NCAM2: variants seen among roughly 807,000 people sequenced by gnomAD.
NCAM2 encodes neural cell adhesion molecule 2.
A neutral mutation model predicts 98.1 loss-of-function variants in NCAM2; 30 were observed. The ratio of observed to expected loss-of-function variants is 0.31; its 90% CI spans 0.23 to 0.41. The LOEUF (loss-of-function observed/expected upper bound fraction) is 0.41, where lower values mean the gene tolerates loss of function less well. NCAM2 is among the 10% of genes least tolerant of loss of function. NCAM2 has a pLI of 1.00. For synonymous variants in NCAM2, 368 were observed against 342.4 expected, an observed-to-expected ratio of 1.07 and a Z score of -0.83; for missense variants, 867 against 1,005.8, an observed-to-expected ratio of 0.86 and a Z score of 1.87.
At chr21:21,474,023 C>A (rs941828012) in intron 14 of NCAM2, among the ~76,000 whole-genome samples, 2 of 151,640 alleles carry the variant, frequency 1.3e-5, no homozygotes, top group African/African-American at 4.8e-5. Context: ...TTCAGCAAAT[C>A]ATCTCATTAA....
At chr21:21,190,121 G>T (rs2068771748) in intron 1 of NCAM2, among the ~76,000 whole-genome samples, 1 of 152,204 alleles carries the variant, frequency 6.6e-6, no homozygotes, top group African/African-American at 2.4e-5. Context: ...TGGGGAAGAA[G>T]GGACTTGATT....
chr21:21,358,148 A>T (rs930101076), intron 8 of NCAM2, among the ~76,000 whole-genome samples: 1 of 152,126 alleles, frequency 6.6e-6, no homozygotes, highest in Non-Finnish European at 1.5e-5. Flanking sequence ...ATTCGATGTG[A>T]TGTTGCCGTA....
intron 1 of NCAM2, among the ~76,000 whole-genome samples, chr21:21,262,285 A>G (rs1433462438): frequency 1.3e-5 from 2 of 152,144 alleles, no homozygotes; most frequent in Non-Finnish European, 2.9e-5. Flanking sequence ...TGTACAAAGC[A>G]GAGCTAGTAC....
At chr21:21,491,392 T>C (rs1421564578) in intron 15 of NCAM2, among the ~76,000 whole-genome samples, 1 of 151,818 alleles carries the variant, frequency 6.6e-6, no homozygotes, top group East Asian at 1.9e-4. Flanking sequence ...AAGTGATTTT[T>C]CTCCAGTTCC....
intron 1 of NCAM2, among the ~76,000 whole-genome samples, chr21:21,058,401 A>G (rs938667896): frequency 5.9e-5 from 9 of 152,128 alleles, no homozygotes; most frequent in Non-Finnish European, 1.3e-4. Flanking sequence ...AATATTGTCT[A>G]CTTTGTGATA....
intron 10 of NCAM2, among the ~76,000 whole-genome samples, chr21:21,413,197 G>C (rs548800867): frequency 6.6e-6 from 1 of 152,086 alleles, no homozygotes; most frequent in Non-Finnish European, 1.5e-5. Flanking sequence ...TCAATATGTG[G>C]GCAAACATTG....
At chr21:21,125,714 T>TAG (rs71322026) in intron 1 of NCAM2, among the ~76,000 whole-genome samples, 4 of 134,402 alleles carry the variant, frequency 3.0e-5, no homozygotes, top group African/African-American at 8.1e-5. Context: ...TATATATATA[T>TAG]AGAGAGAGAG....
At chr21:21,125,565 T>C (rs973147398) in intron 1 of NCAM2, among the ~76,000 whole-genome samples, 1 of 17,414 alleles carries the variant, frequency 5.7e-5, no homozygotes, top group African/African-American at 1.1e-4. Context: ...ATATATAATA[T>C]GCATATAAAA....
chr21:21,097,793 A>G (rs572120101), intron 1 of NCAM2, among the ~76,000 whole-genome samples: 11 of 151,154 alleles, frequency 7.3e-5, no homozygotes, highest in Admixed American at 4.0e-4. Flanking sequence ...CAAGAAAGCA[A>G]TTGATAAGCT....
At chr21:21,403,574 G>T (rs1374338337) in intron 9 of NCAM2, among the ~76,000 whole-genome samples, 1 of 152,056 alleles carries the variant, frequency 6.6e-6, no homozygotes, top group Non-Finnish European at 1.5e-5. Flanking sequence ...TCTGCTAAAT[G>T]GCTTACTATT....
At chr21:21,067,144 A>T in intron 1 of NCAM2, among the ~76,000 whole-genome samples, 1 of 151,400 alleles carries the variant, frequency 6.6e-6, no homozygotes, top group East Asian at 1.9e-4. Flanking sequence ...TTATAAAATT[A>T]TATTTAAATA....
intron 10 of NCAM2, among the ~76,000 whole-genome samples, chr21:21,410,750 T>G (rs903828112): frequency 6.6e-6 from 1 of 151,412 alleles, no homozygotes; most frequent in Non-Finnish European, 1.5e-5. Flanking sequence ...GGCTCACTCC[T>G]GTAATCCCAG....
At chr21:21,126,236 T>TAAAA (rs778070776) in intron 1 of NCAM2, among the ~76,000 whole-genome samples, 4,593 of 97,444 alleles carry the variant, frequency 0.047, 405 homozygotes, top group African/African-American at 0.13. Flanking sequence ...TCATGGAACA[T>TAAAA]AAAAAAAAAA....
At chr21:21,024,777 G>T (rs1273158074) in intron 1 of NCAM2, among the ~76,000 whole-genome samples, 6 of 151,870 alleles carry the variant, frequency 4.0e-5, no homozygotes, top group African/African-American at 1.4e-4. Context: ...ATCCCAGCTA[G>T]CTGGGAAGCT....
chr21:21,382,838 A>T (rs1042017512), intron 9 of NCAM2, among the ~76,000 whole-genome samples: 1 of 144,308 alleles, frequency 6.9e-6, no homozygotes, highest in South Asian at 2.2e-4. Flanking sequence ...CCCAAATAGT[A>T]TTTTTTTTTT....
intron 1 of NCAM2, among the ~76,000 whole-genome samples, chr21:21,047,754 G>C (rs2065029508): frequency 6.6e-6 from 1 of 151,884 alleles, no homozygotes; most frequent in Non-Finnish European, 1.5e-5. Context: ...TTATTTTCAG[G>C]GGTAAGAAGC....
chr21:21,152,579 A>T (rs1307212944), intron 1 of NCAM2, among the ~76,000 whole-genome samples: 1 of 152,068 alleles, frequency 6.6e-6, no homozygotes, highest in African/African-American at 2.4e-5. Flanking sequence ...GCCCTGTTTT[A>T]AAGTATTTTA....
chr21:21,451,716 G>C (rs1374173888), intron 12 of NCAM2, among the ~76,000 whole-genome samples: 1 of 152,092 alleles, frequency 6.6e-6, no homozygotes, highest in Non-Finnish European at 1.5e-5. Context: ...GTGCCGTTCT[G>C]GTAACGTGGG....
intron 5 of NCAM2, among the ~76,000 whole-genome samples, chr21:21,316,633 T>A (rs999049279): frequency 1.4e-5 from 2 of 142,738 alleles, no homozygotes; most frequent in African/African-American, 5.1e-5. Flanking sequence ...AACCTCTGCC[T>A]CCCAGGTTCA....
Sources: allele counts gnomAD v4.1 joint callset (sites outside exome capture counted in the v4.1 genomes callset), GRCh38; gene constraint gnomAD v4.1.1; transcripts MANE v1.5; gene names NCBI Gene and HGNC (gene_info 2026-07-23, HGNC 2026-07-21).